IL1RAPL2: variants seen among roughly 807,000 people sequenced by gnomAD.
IL1RAPL2 encodes the protein X-linked interleukin-1 receptor accessory protein-like 2.
A neutral mutation model predicts 44.1 loss-of-function variants in IL1RAPL2; 3 were observed. The observed-to-expected ratio is 0.07, with a 90% CI of 0.03 to 0.18. IL1RAPL2 has a LOEUF of 0.18. Ranked by LOEUF, IL1RAPL2 falls within the 10% of genes least tolerant of loss-of-function variation. The pLI is 1.00. For missense variants in IL1RAPL2, 391 were observed against 496.4 expected, an observed-to-expected ratio of 0.79 and a Z score of 2.02; for synonymous variants, 181 against 178.8, an observed-to-expected ratio of 1.01 and a Z score of -0.10.
chrX:104,609,137 C>G (rs1027434436), intron 1 of IL1RAPL2, among the ~76,000 whole-genome samples: 39 of 112,030 alleles, frequency 3.5e-4, no homozygotes, highest in African/African-American at 1.2e-3. Context: ...ATATGAAATT[C>G]TAGGTTGAAA....
chrX:105,415,517 T>A (rs1243263807), intron 5 of IL1RAPL2, among the ~76,000 whole-genome samples: 1 of 112,054 alleles, frequency 8.9e-6, no homozygotes, highest in Admixed American at 9.5e-5. Context: ...TTTGTGTCCC[T>A]AATTGTAATG....
intron 5 of IL1RAPL2, among the ~76,000 whole-genome samples, chrX:105,471,062 A>T (rs2036162701): frequency 8.9e-6 from 1 of 112,239 alleles, no homozygotes; most frequent in African/African-American, 3.2e-5. Flanking sequence ...TCCCTAGGAG[A>T]ATATACAGCT....
At chrX:105,276,276 C>T (rs887920974) in intron 5 of IL1RAPL2, among the ~76,000 whole-genome samples, 7 of 111,703 alleles carry the variant, frequency 6.3e-5, no homozygotes, top group Admixed American at 9.5e-5. Context: ...GGCGTGGTGG[C>T]GAATGCCTGT....
At chrX:105,416,198 C>A (rs1174508326) in intron 5 of IL1RAPL2, among the ~76,000 whole-genome samples, 1 of 111,757 alleles carries the variant, frequency 8.9e-6, no homozygotes, top group South Asian at 3.7e-4. Context: ...TATAAGATAC[C>A]ATTTAATAAG....
chrX:104,568,734 G>C (rs931569792), intron 1 of IL1RAPL2, among the ~76,000 whole-genome samples: 1 of 111,565 alleles, frequency 9.0e-6, no homozygotes, highest in Admixed American at 9.5e-5. Flanking sequence ...AACTACCCTG[G>C]GACTTAGGGA....
At chrX:105,712,530 G>T (rs2038219576) in intron 6 of IL1RAPL2, among the ~76,000 whole-genome samples, 1 of 111,619 alleles carries the variant, frequency 9.0e-6, no homozygotes, top group Admixed American at 9.5e-5. Flanking sequence ...GGAAGGTGAA[G>T]GGAAAGCAAG....
intron 2 of IL1RAPL2, among the ~76,000 whole-genome samples, chrX:104,677,764 A>C (rs1219661694): frequency 9.1e-6 from 1 of 110,490 alleles, no homozygotes; most frequent in Non-Finnish European, 1.9e-5. Context: ...GTGGGGTAGG[A>C]CCCTCCATGC....
intron 3 of IL1RAPL2, among the ~76,000 whole-genome samples, chrX:105,203,785 C>G (rs1407767197): frequency 8.9e-6 from 1 of 111,841 alleles, no homozygotes; most frequent in African/African-American, 3.3e-5. Flanking sequence ...ATAGTACTCT[C>G]TTGGCTTTCC....
chrX:105,111,191 TTAAAAA>T (rs984033256), intron 2 of IL1RAPL2, among the ~76,000 whole-genome samples: 2 of 111,575 alleles, frequency 1.8e-5, no homozygotes, highest in African/African-American at 6.5e-5. Flanking sequence ...ATTGCAGGAA[TTAAAAA>T]AAAAGAAAAT....
intron 6 of IL1RAPL2, among the ~76,000 whole-genome samples, chrX:105,707,552 AC>A (rs1487731328): frequency 8.9e-6 from 1 of 111,761 alleles, no homozygotes; most frequent in Non-Finnish European, 1.9e-5. Context: ...GGAGGCAAAC[AC>A]CTGTGAAATG....
chrX:105,094,316 C>T (rs765929673), intron 2 of IL1RAPL2, among the ~76,000 whole-genome samples: 18 of 111,497 alleles, frequency 1.6e-4, no homozygotes, highest in Non-Finnish European at 3.4e-4. Flanking sequence ...TTTCCAGAGA[C>T]CAAAGAAAGA....
chrX:105,549,242 A>T (rs1309658532), intron 6 of IL1RAPL2, among the ~76,000 whole-genome samples: 1 of 112,572 alleles, frequency 8.9e-6, no homozygotes, highest in Non-Finnish European at 1.9e-5. Flanking sequence ...TTTATCTGTC[A>T]TATGGCAGTT....
intron 1 of IL1RAPL2, among the ~76,000 whole-genome samples, chrX:104,574,509 A>C (rs1374561674): frequency 8.9e-6 from 1 of 112,229 alleles, no homozygotes. Flanking sequence ...AATCTGTATA[A>C]AAATGTAAAA....
In IL1RAPL2 at chrX:105,219,949, G is replaced by A. The variant is rs371139667; in HGVS notation, c.357-13869G>A. 2.4e-5 allele frequency: 28 copies of A among 1,184,505 alleles called. No individual in the cohort carries two copies. In the Admixed American group the frequency reaches 4.0e-4, roughly 17 times the overall value. On this transcript the variant is annotated intron_variant, in intron 3 of 10. Coordinates refer to ENST00000372582, the MANE Select transcript of IL1RAPL2 (RefSeq NM_017416.2). ...GTTGAGGGATCTTACTGCATGGAGC[G>A]GCTTCCAACTCACCTTGTCTCTCTC...
intron 2 of IL1RAPL2, among the ~76,000 whole-genome samples, chrX:104,705,749 G>C (rs746596354): frequency 2.7e-5 from 3 of 111,544 alleles, no homozygotes; most frequent in South Asian, 3.8e-4. Flanking sequence ...ATCTTTTTGA[G>C]TATGGTTGGT....
intron 2 of IL1RAPL2, among the ~76,000 whole-genome samples, chrX:104,899,371 A>G (rs1035916804): frequency 1.8e-5 from 2 of 111,648 alleles, no homozygotes; most frequent in Non-Finnish European, 3.8e-5. Context: ...TACAAATTTT[A>G]TTTTGCTTTT....
intron 5 of IL1RAPL2, among the ~76,000 whole-genome samples, chrX:105,453,987 G>C (rs2036037896): frequency 8.9e-6 from 1 of 111,826 alleles, no homozygotes; most frequent in South Asian, 3.8e-4. Context: ...CAAGTAGAGT[G>C]TCTATGGAAG....
At chrX:104,996,538 A>G (rs1025543630) in intron 2 of IL1RAPL2, among the ~76,000 whole-genome samples, 2 of 112,371 alleles carry the variant, frequency 1.8e-5, no homozygotes, top group African/African-American at 3.2e-5. Context: ...CTTTGATTCT[A>G]GCATACATGC....
intron 5 of IL1RAPL2, among the ~76,000 whole-genome samples, chrX:105,450,753 C>G (rs2036013718): frequency 8.9e-6 from 1 of 112,001 alleles, no homozygotes; most frequent in African/African-American, 3.2e-5. Context: ...TAAATCTCTA[C>G]AGAGAACATT....
Sources: gnomAD v4.1 joint callset for allele counts (sites outside exome capture counted in the v4.1 genomes callset) on GRCh38, gnomAD v4.1.1 for gene constraint, MANE v1.5 for transcripts, NCBI Gene and HGNC (gene_info 2026-07-23, HGNC 2026-07-21) for gene names.